The following ATP1B3 variants were observed in gnomAD, a reference collection of about 807,000 sequenced individuals.
The protein encoded by ATP1B3 is ATPase Na+/K+ transporting subunit beta 3.
ATP1B3 carries 10 observed loss-of-function variants against 30.2 expected under a neutral mutation model. The observed-to-expected ratio is 0.33, with a 90% confidence interval of 0.20 to 0.56. The LOEUF (loss-of-function observed/expected upper bound fraction) is 0.56. Among genes scored for constraint, ATP1B3 ranks in the 20% least tolerant of loss-of-function variants. The probability of loss-of-function intolerance (pLI) is 0.90; values close to 1 mark genes in which losing one functional copy is unlikely to be tolerated. For synonymous variants in ATP1B3, 113 were observed against 117.0 expected (o/e 0.97, Z 0.22); for missense variants, 238 against 336.7 (o/e 0.71, Z 2.29).
chr3:141,900,513 C>T (rs931990070), intron 1 of ATP1B3, among the ~76,000 whole-genome samples: 2 of 152,138 alleles, frequency 1.3e-5, no homozygotes, highest in Non-Finnish European at 2.9e-5. Context: ...TTCCTGAGCT[C>T]TGTGAGTCAT....
chr3:141,895,539 G>T (rs941048334), intron 1 of ATP1B3, among the ~76,000 whole-genome samples: 1 of 152,076 alleles, frequency 6.6e-6, no homozygotes, highest in African/African-American at 2.4e-5. Flanking sequence ...GTTTCCATGT[G>T]TATCCACAGT....
At chr3:141,906,026 TATATA>T (rs1234691908) in intron 2 of ATP1B3, among the ~76,000 whole-genome samples, 4 of 151,344 alleles carry the variant, frequency 2.6e-5, no homozygotes, top group South Asian at 2.1e-4. Flanking sequence ...ATGTAATACA[TATATA>T]ATATGTATTT....
At chr3:141,918,110 A>G (rs1405259981) in intron 5 of ATP1B3, 1 of 152,134 alleles carries the variant, frequency 6.6e-6, no homozygotes, top group Admixed American at 6.6e-5. Flanking sequence ...AGTGGGCAGC[A>G]TATACTGTCA....
At position 141,876,922 on chromosome 3, in the gene ATP1B3, G is replaced by C; in HGVS notation, c.109+12G>C. 4.5e-6 allele frequency: 7 copies of C among 1,551,612 alleles called. No homozygotes were observed. The highest frequency in any genetic ancestry group is 6.1e-6 in the Non-Finnish European group (7 of 1,149,624). On this transcript the variant is annotated intron_variant, in intron 1 of 6. Transcript: ENST00000286371. The stretch of plus-strand genomic sequence containing the variant: ...CGCCAAGAGCTGGGGTGAGCGGGCA[G>C]CAGCTGGGCGTCCGGGGCCGGCCTC...
chr3:141,908,661 C>T (rs996879362), intron 3 of ATP1B3, among the ~76,000 whole-genome samples: 2 of 152,168 alleles, frequency 1.3e-5, no homozygotes, highest in African/African-American at 2.4e-5. Flanking sequence ...TGAGCACCTC[C>T]CTCAAATGGA....
At chr3:141,896,033 G>T (rs773400793) in intron 1 of ATP1B3, among the ~76,000 whole-genome samples, 2 of 152,082 alleles carry the variant, frequency 1.3e-5, no homozygotes, top group Non-Finnish European at 2.9e-5. Flanking sequence ...TGAAGTTTCG[G>T]TTCAGATCTT....
intron 3 of ATP1B3, among the ~76,000 whole-genome samples, chr3:141,907,827 T>C (rs757290367): frequency 1.3e-5 from 2 of 152,192 alleles, no homozygotes; most frequent in African/African-American, 2.4e-5. Flanking sequence ...TTGATTTTTC[T>C]GTCTTATAAT....
chr3:141,883,263 G>A (rs1393854036), intron 1 of ATP1B3, among the ~76,000 whole-genome samples: 7 of 152,130 alleles, frequency 4.6e-5, no homozygotes, highest in East Asian at 1.9e-4. Flanking sequence ...CGAAGTGGGC[G>A]GATCACTTGT....
intron 1 of ATP1B3, among the ~76,000 whole-genome samples, chr3:141,878,897 C>T (rs761198286): frequency 2.2e-4 from 33 of 152,146 alleles, no homozygotes; most frequent in African/African-American, 5.6e-4. Flanking sequence ...GAGAGGAGGC[C>T]GAAATCCATA....
intron 3 of ATP1B3, among the ~76,000 whole-genome samples, chr3:141,910,492 AATT>A (rs1418369725): frequency 1.3e-5 from 2 of 152,058 alleles, no homozygotes; most frequent in African/African-American, 4.8e-5. Context: ...ACTCAATAAT[AATT>A]GATTTACTAT....
chr3:141,921,934 C>A (rs769441571), intron 5 of ATP1B3, 43 bp from the exon 6 acceptor site: 6 of 1,142,714 alleles, frequency 5.3e-6, no homozygotes, highest in East Asian at 2.7e-5. Context: ...TTTACAAATT[C>A]TTTTTGTGAC....
At chr3:141,924,311 T>A (rs1934615758) in intron 6 of ATP1B3, among the ~76,000 whole-genome samples, 1 of 132,782 alleles carries the variant, frequency 7.5e-6, no homozygotes, top group South Asian at 2.6e-4. Flanking sequence ...ACCATTGCAC[T>A]CCAGCCTGGC....
At chr3:141,919,685 T>C (rs1466747958) in intron 5 of ATP1B3, among the ~76,000 whole-genome samples, 1 of 152,180 alleles carries the variant, frequency 6.6e-6, no homozygotes, top group African/African-American at 2.4e-5. Flanking sequence ...TCACCTGTAA[T>C]TCCAGCACTT....
At chr3:141,901,780 A>T (rs543269023) in intron 1 of ATP1B3, among the ~76,000 whole-genome samples, 1 of 152,214 alleles carries the variant, frequency 6.6e-6, no homozygotes, top group South Asian at 2.1e-4. Flanking sequence ...CAGTATTGTA[A>T]CAAGAATATT....
At chr3:141,902,068 G>A in intron 1 of ATP1B3, 2 of 1,163,236 alleles carry the variant, frequency 1.7e-6, no homozygotes, top group South Asian at 1.3e-5. Context: ...GGCTTTCTGT[G>A]TGTTTCATTT....
intron 5 of ATP1B3, among the ~76,000 whole-genome samples, chr3:141,917,734 A>C (rs955290061): frequency 1.3e-5 from 2 of 151,190 alleles, no homozygotes; most frequent in Admixed American, 1.3e-4. Context: ...ACCAGATACC[A>C]CATCTAAGCT....
rs546947475 is a variant in ATP1B3, at chr3:141,917,230, G to A, written c.582+1210G>A. ...TGAGGCCCACATTTTGAGAACTCCCGATTTGGAGTGTCCTTATTAATTTTT... is the reference window on the plus strand; with the variant it reads ...TGAGGCCCACATTTTGAGAACTCCCAATTTGGAGTGTCCTTATTAATTTTT... On this transcript the variant is annotated intron_variant, in intron 5 of 6. Transcript: ENST00000286371. Among the ~76,000 whole-genome samples the A allele has an allele frequency of 4.6e-5, 7 of 152,162 alleles. No individual in the cohort carries two copies. In the South Asian group the frequency reaches 6.2e-4, roughly 14 times the overall value.
intron 5 of ATP1B3, among the ~76,000 whole-genome samples, chr3:141,916,982 T>C (rs1934476039): frequency 6.6e-6 from 1 of 151,444 alleles, no homozygotes; most frequent in Non-Finnish European, 1.5e-5. Flanking sequence ...TGCCTCAGCC[T>C]CCTGAGTAGC....
At chr3:141,892,216 A>G (rs1216061099) in intron 1 of ATP1B3, among the ~76,000 whole-genome samples, 1 of 152,062 alleles carries the variant, frequency 6.6e-6, no homozygotes, top group Non-Finnish European at 1.5e-5. Context: ...TATCTTCTTT[A>G]TGTGTTTTTA....
Sources: gnomAD v4.1 joint callset for allele counts (sites outside exome capture counted in the v4.1 genomes callset) on GRCh38, gnomAD v4.1.1 for gene constraint, MANE v1.5 for transcripts, NCBI Gene and HGNC (gene_info 2026-07-23, HGNC 2026-07-21) for gene names.